PIP5K1B: variants seen among roughly 807,000 people sequenced by gnomAD.
PIP5K1B encodes the protein phosphatidylinositol 4-phosphate 5-kinase type-1 beta.
Under a neutral mutation model 67.0 loss-of-function variants are expected in PIP5K1B, and 42 were observed. The observed-to-expected ratio is 0.63, with a 90% CI of 0.49 to 0.81. The LOEUF (loss-of-function observed/expected upper bound fraction) is 0.81, where lower values mean the gene tolerates loss of function less well. Ranked by LOEUF, PIP5K1B falls within the 30% of genes least tolerant of loss-of-function variation. The probability of loss-of-function intolerance (pLI) is 0.00; values close to 1 mark genes in which losing one functional copy is unlikely to be tolerated. For missense variants in PIP5K1B, 459 were observed against 646.3 expected (o/e 0.71, Z 3.14); for synonymous variants, 214 against 231.4 (o/e 0.92, Z 0.68).
intron 4 of PIP5K1B, among the ~76,000 whole-genome samples, chr9:68,829,347 A>T (rs548382427): frequency 6.6e-6 from 1 of 152,350 alleles, no homozygotes; most frequent in South Asian, 2.1e-4. Context: ...GCTGGTCTCT[A>T]GGATGAATGA....
At chr9:68,925,460 T>C (rs10115104) in intron 12 of PIP5K1B, among the ~76,000 whole-genome samples, 26,909 of 152,006 alleles carry the variant, frequency 0.18, 4,302 homozygotes, top group East Asian at 0.5. Context: ...ATGTAAGTAC[T>C]GGTAAGGTTC....
At position 69,009,154 on chromosome 9, in the gene PIP5K1B, G is replaced by C. The variant is rs1000004611; in HGVS notation, c.*705G>C. 1.3e-5 allele frequency: 2 copies of C among 152,590 alleles called. No homozygotes were observed. The highest frequency in any genetic ancestry group is 2.9e-5 in the Non-Finnish European group (2 of 68,028). The allele number at this position is 152,590 out of a possible 1,614,324, so 9.5% of individuals were successfully genotyped here. A position where few individuals can be genotyped will look rare whatever the true frequency, so the allele number is the denominator to read the frequency against. ...TACTGTAAACTATAGTTTTGTGAGAGAAATAAAATATTTTGTTCTCAATTG... is the reference window on the plus strand; with the variant it reads ...TACTGTAAACTATAGTTTTGTGAGACAAATAAAATATTTTGTTCTCAATTG... On this transcript the variant is annotated 3_prime_UTR_variant, in exon 16 of 16. Transcript: ENST00000265382.
intron 15 of PIP5K1B, among the ~76,000 whole-genome samples, chr9:69,007,661 T>A (rs773433905): frequency 1.3e-5 from 2 of 152,084 alleles, no homozygotes; most frequent in Non-Finnish European, 2.9e-5. Flanking sequence ...TTCAAGACCA[T>A]CCTGGCTAAC....
intron 2 of PIP5K1B, among the ~76,000 whole-genome samples, chr9:68,748,613 C>CTTTTTTTTTTTTTTTTTTTTTTTTTT (rs58954806): frequency 1.0e-5 from 1 of 98,300 alleles, no homozygotes; most frequent in Non-Finnish European, 2.0e-5. Flanking sequence ...GATTTCTTTT[C>CTTTTTTTTTTTTTTTTTTTTTTTTTT]TTTTTTTTTT....
chr9:68,810,061 G>A (rs1312610745), intron 2 of PIP5K1B, among the ~76,000 whole-genome samples: 1 of 152,236 alleles, frequency 6.6e-6, no homozygotes, highest in Non-Finnish European at 1.5e-5. Context: ...AAAAATGATT[G>A]ACTTTAACAT....
chr9:68,706,380 G>A (rs1162344215), intron 1 of PIP5K1B, among the ~76,000 whole-genome samples: 1 of 152,108 alleles, frequency 6.6e-6, no homozygotes, highest in Non-Finnish European at 1.5e-5. Flanking sequence ...TTACTATGCC[G>A]GTGCCAGGAG....
intron 4 of PIP5K1B, among the ~76,000 whole-genome samples, chr9:68,848,727 C>A (rs1336908901): frequency 6.6e-6 from 1 of 152,098 alleles, no homozygotes; most frequent in Non-Finnish European, 1.5e-5. Context: ...TAAGAGAAGG[C>A]ATGGAAATTT....
chr9:68,859,862 C>T (rs1822971574), intron 4 of PIP5K1B, among the ~76,000 whole-genome samples: 1 of 152,094 alleles, frequency 6.6e-6, no homozygotes, highest in Non-Finnish European at 1.5e-5. Context: ...TTAGGATGTG[C>T]CTCAGACATT....
chr9:68,903,372 A>T (rs1162576651), intron 8 of PIP5K1B, among the ~76,000 whole-genome samples: 2 of 152,258 alleles, frequency 1.3e-5, no homozygotes, highest in Non-Finnish European at 2.9e-5. Context: ...AATCATGTCA[A>T]CATTGTGAAT....
intron 4 of PIP5K1B, among the ~76,000 whole-genome samples, chr9:68,836,440 A>G (rs1221492195): frequency 6.6e-6 from 1 of 152,186 alleles, no homozygotes; most frequent in Non-Finnish European, 1.5e-5. Flanking sequence ...TCTGCTTCAT[A>G]AAAAACAAAA....
intron 2 of PIP5K1B, among the ~76,000 whole-genome samples, chr9:68,802,944 ATGT>A (rs1464925434): frequency 6.6e-6 from 1 of 152,208 alleles, no homozygotes; most frequent in African/African-American, 2.4e-5. Flanking sequence ...CCCTTTAGCA[ATGT>A]TGTTCACCAA....
chr9:68,865,946 T>C (rs1238834362), intron 5 of PIP5K1B, among the ~76,000 whole-genome samples: 1 of 152,236 alleles, frequency 6.6e-6, no homozygotes, highest in Non-Finnish European at 1.5e-5. Context: ...ACACGACTCT[T>C]ACAACTAATA....
intron 2 of PIP5K1B, among the ~76,000 whole-genome samples, chr9:68,752,355 G>A (rs1013648916): frequency 6.6e-6 from 1 of 152,186 alleles, no homozygotes; most frequent in Non-Finnish European, 1.5e-5. Context: ...CAACAAGGCC[G>A]AGAAGTTAGG....
chr9:68,714,876 T>C (rs763504625), intron 1 of PIP5K1B, among the ~76,000 whole-genome samples: 3 of 152,156 alleles, frequency 2.0e-5, no homozygotes, highest in Non-Finnish European at 4.4e-5. Context: ...GTTCCCAAGG[T>C]GCACTCCACT....
chr9:68,945,889 C>G (rs1321925974), intron 14 of PIP5K1B, among the ~76,000 whole-genome samples: 1 of 152,106 alleles, frequency 6.6e-6, no homozygotes, highest in Non-Finnish European at 1.5e-5. Context: ...CATCTTTTTG[C>G]CTTTTCTTTT....
At chr9:68,957,900 G>T (rs1035534709) in intron 14 of PIP5K1B, among the ~76,000 whole-genome samples, 1 of 151,466 alleles carries the variant, frequency 6.6e-6, no homozygotes, top group African/African-American at 2.4e-5. Context: ...TTTAGACAAG[G>T]TCTGGCTCTG....
rs189258268 is a variant in PIP5K1B, at chr9:68,745,990, G to A, written c.-86+3333G>A. 9.7e-4 allele frequency among the ~76,000 whole-genome samples: 147 copies of A among 151,368 alleles called. 1 individual carries two copies. The highest frequency in any genetic ancestry group is 5.7e-4 in the Non-Finnish European group (39 of 67,872). On this transcript the variant is annotated intron_variant, in intron 2 of 15. Transcript: ENST00000265382. ...AACCAGTGCTCACTAAATATATGTT[G>A]AATAAATGAATGAAAGCATGAATTA...
chr9:68,925,564 C>T (rs1040154335), intron 12 of PIP5K1B, among the ~76,000 whole-genome samples: 9 of 151,784 alleles, frequency 5.9e-5, no homozygotes, highest in Non-Finnish European at 8.8e-5. Flanking sequence ...GTTATTTTTC[C>T]GAATTATTAA....
At chr9:68,933,668 C>T (rs1172870934) in intron 12 of PIP5K1B, among the ~76,000 whole-genome samples, 3 of 152,190 alleles carry the variant, frequency 2.0e-5, no homozygotes, top group African/African-American at 7.2e-5. Context: ...CTTCCTCATA[C>T]ATGTGGATGG....
Sources: allele counts gnomAD v4.1 joint callset (sites outside exome capture counted in the v4.1 genomes callset), GRCh38; gene constraint gnomAD v4.1.1; transcripts MANE v1.5; gene names NCBI Gene and HGNC (gene_info 2026-07-23, HGNC 2026-07-21).